Variants in ZNF277 observed in about 807,000 individuals in gnomAD.
ZNF277 encodes nuclear receptor-interacting factor 4.
ZNF277 carries 55 observed loss-of-function variants against 60.7 expected under a neutral mutation model. That is an observed-to-expected ratio of 0.91 (90% CI 0.73 to 1.13). The LOEUF is 1.13. ZNF277 is among the 50% of genes most tolerant of loss of function. The pLI, the probability that ZNF277 is intolerant of heterozygous loss-of-function variation, is 0.00. For missense variants in ZNF277, 510 were observed against 523.0 expected, an observed-to-expected ratio of 0.98 and a Z score of 0.24; for synonymous variants, 178 against 179.3, an observed-to-expected ratio of 0.99 and a Z score of 0.06.
chr7:112,276,093 G>A (rs905938089), intron 1 of ZNF277, among the ~76,000 whole-genome samples: 1 of 152,112 alleles, frequency 6.6e-6, no homozygotes. Flanking sequence ...TCTACCAGAT[G>A]GTTTGTTGCT....
At chr7:112,272,746 G>A (rs1003314289) in intron 1 of ZNF277, among the ~76,000 whole-genome samples, 3 of 152,042 alleles carry the variant, frequency 2.0e-5, no homozygotes, top group Non-Finnish European at 2.9e-5. Context: ...CGCCCACCTC[G>A]GACTTCCAAA....
At chr7:112,250,613 G>T (rs1791183165) in intron 1 of ZNF277, among the ~76,000 whole-genome samples, 2 of 152,128 alleles carry the variant, frequency 1.3e-5, no homozygotes, top group African/African-American at 4.8e-5. Flanking sequence ...TATTTCTCAA[G>T]CTGGCCAACG....
chr7:112,263,599 G>A lies in ZNF277; in HGVS notation c.92-23274G>A, dbSNP rs1480129225. Among the ~76,000 whole-genome samples, 3 of 152,290 alleles carry A rather than the reference G, an allele frequency of 2.0e-5. No homozygotes were observed. In the East Asian group the frequency reaches 5.8e-4, roughly 29 times the overall value. ...GCTTCAGATCATCACACTGGGCAGT[G>A]TGGCCTCTCAAATTTGTCTCACTCC... On this transcript the variant is annotated intron_variant, in intron 1 of 11. Coordinates refer to ENST00000361822, the MANE Select transcript of ZNF277 (RefSeq NM_021994.3).
At chr7:112,299,786 T>G (rs1280662309) in intron 4 of ZNF277, among the ~76,000 whole-genome samples, 1 of 152,206 alleles carries the variant, frequency 6.6e-6, no homozygotes, top group Admixed American at 6.5e-5. Flanking sequence ...GGATCTCAAC[T>G]TGAGGATCTC....
At position 112,330,025 on chromosome 7, in the gene ZNF277, G is replaced by C. The variant is rs148412763; in HGVS notation, c.669-59G>C. On this transcript the variant is annotated intron_variant, in intron 6 of 11. Transcript: ENST00000361822. ...AAATATGAAACTCAATAATAATAAA[G>C]GATTATTGCAGCAACTATACAAGAG... 1.3e-3 allele frequency: 1,958 copies of C among 1,540,012 alleles called. 46 individuals carry two copies. In the Admixed American group the frequency reaches 0.038, roughly 30 times the overall value.
At chr7:112,282,022 G>A (rs1452014508) in intron 1 of ZNF277, among the ~76,000 whole-genome samples, 5 of 151,956 alleles carry the variant, frequency 3.3e-5, no homozygotes, top group African/African-American at 9.7e-5. Context: ...CAGTAGAGAC[G>A]GGGTTTCACC....
At chr7:112,249,911 T>C (rs1791164735) in intron 1 of ZNF277, among the ~76,000 whole-genome samples, 2 of 152,126 alleles carry the variant, frequency 1.3e-5, no homozygotes, top group South Asian at 4.1e-4. Context: ...GCACAAATTG[T>C]ACAGCATGTG....
intron 1 of ZNF277, among the ~76,000 whole-genome samples, chr7:112,239,924 G>A (rs543476115): frequency 6.6e-6 from 1 of 152,086 alleles, no homozygotes; most frequent in South Asian, 2.1e-4. Context: ...AATAGAAACA[G>A]CAAAATGTTT....
At chr7:112,211,624 A>G (rs2116946759) in intron 1 of ZNF277, among the ~76,000 whole-genome samples, 1 of 152,340 alleles carries the variant, frequency 6.6e-6, no homozygotes, top group African/African-American at 2.4e-5. Flanking sequence ...ACATTGTAAA[A>G]CAAATATATT....
chr7:112,257,947 A>G (rs192347802), intron 1 of ZNF277, among the ~76,000 whole-genome samples: 2 of 152,080 alleles, frequency 1.3e-5, no homozygotes, highest in African/African-American at 2.4e-5. Flanking sequence ...CCAAGTAGGT[A>G]GGACTGCAGG....
At position 112,342,541 on chromosome 7, in the gene ZNF277, G is replaced by A. The variant is rs1270101417; in HGVS notation, c.1185-20G>A. On this transcript the variant is annotated intron_variant, in intron 11 of 11. Transcript: ENST00000361822. ...TATTAGCTTGGTAATTTAATACTAT[G>A]TATCTGTGGTTGTTTTCAGGTATTA... The A allele has an allele frequency of 6.3e-6, 10 of 1,588,598 alleles. No homozygotes were observed. The highest frequency in any genetic ancestry group is 1.1e-5 in the South Asian group (1 of 87,016).
At chr7:112,293,301 G>A (rs1412505267) in intron 2 of ZNF277, among the ~76,000 whole-genome samples, 1 of 152,162 alleles carries the variant, frequency 6.6e-6, no homozygotes, top group Non-Finnish European at 1.5e-5. Flanking sequence ...CATTGGCCAG[G>A]CACAGTGGCT....
rs182929855 is a variant in ZNF277, at chr7:112,285,561, A to C, written c.92-1312A>C. 2.0e-4 allele frequency among the ~76,000 whole-genome samples: 30 copies of C among 151,006 alleles called. No homozygotes were observed. The East Asian group carries it at 5.9e-3, about 30-fold the overall frequency. ...GCAAGTCTCCTGCCTCAGCCTCCCG[A>C]GTAGTTGGGATGACAGGCACACACT... On this transcript the variant is annotated intron_variant, in intron 1 of 11. Coordinates refer to ENST00000361822, the MANE Select transcript of ZNF277 (RefSeq NM_021994.3).
intron 5 of ZNF277, among the ~76,000 whole-genome samples, chr7:112,323,090 A>G (rs933263349): frequency 6.6e-6 from 1 of 150,902 alleles, no homozygotes; most frequent in Non-Finnish European, 1.5e-5. Flanking sequence ...TCAACACTTC[A>G]TCAGTTTACA....
intron 1 of ZNF277, among the ~76,000 whole-genome samples, chr7:112,233,827 C>A (rs991348128): frequency 6.6e-6 from 1 of 152,064 alleles, no homozygotes; most frequent in Non-Finnish European, 1.5e-5. Context: ...TATTAATACA[C>A]CTTTTCTAGT....
At chr7:112,330,330 AG>A in intron 7 of ZNF277, 114 bp downstream of exon 7, 1 of 997,338 alleles carries the variant, frequency 1.0e-6, no homozygotes, top group Non-Finnish European at 1.5e-6. Context: ...AATGTAATTG[AG>A]GGGCACATTC....
chr7:112,260,850 G>A (rs1791423782), intron 1 of ZNF277, among the ~76,000 whole-genome samples: 1 of 152,182 alleles, frequency 6.6e-6, no homozygotes, highest in African/African-American at 2.4e-5. Flanking sequence ...GATGAATAAA[G>A]CATTGAGTGA....
chr7:112,276,603 A>G (rs1791799585), intron 1 of ZNF277, among the ~76,000 whole-genome samples: 1 of 152,202 alleles, frequency 6.6e-6, no homozygotes, highest in African/African-American at 2.4e-5. Context: ...ACTTTCCAGA[A>G]TATATAACCC....
chr7:112,306,907 C>T (rs189558024), intron 4 of ZNF277, among the ~76,000 whole-genome samples: 14 of 152,136 alleles, frequency 9.2e-5, no homozygotes, highest in Admixed American at 7.2e-4. Flanking sequence ...TCCTTACATC[C>T]AGCTCTTACA....
Sources: gnomAD v4.1 joint callset for allele counts (sites outside exome capture counted in the v4.1 genomes callset) on GRCh38, gnomAD v4.1.1 for gene constraint, MANE v1.5 for transcripts, NCBI Gene and HGNC (gene_info 2026-07-23, HGNC 2026-07-21) for gene names.